Variants in ATRNL1 observed in about 807,000 individuals in gnomAD.
ATRNL1 encodes the protein attractin like 1.
A neutral mutation model predicts 182.7 loss-of-function variants in ATRNL1; 95 were observed. The ratio of observed to expected loss-of-function variants is 0.52; its 90% CI spans 0.44 to 0.62. ATRNL1 has a LOEUF of 0.62. Ranked by LOEUF, ATRNL1 falls within the 20% of genes least tolerant of loss-of-function variation. The probability of loss-of-function intolerance (pLI) is 0.00; values close to 1 mark genes in which losing one functional copy is unlikely to be tolerated. For synonymous variants in ATRNL1, 576 were observed against 568.3 expected, an observed-to-expected ratio of 1.01 and a Z score of -0.19; for missense variants, 1,471 against 1,679.5, an observed-to-expected ratio of 0.88 and a Z score of 2.17.
intron 27 of ATRNL1, among the ~76,000 whole-genome samples, chr10:115,771,335 A>G (rs10885809): frequency 0.23 from 34,151 of 149,944 alleles, 4,027 homozygotes; most frequent in South Asian, 0.29. Context: ...GGTTCACGCC[A>G]TTCTTCTGCC....
At chr10:115,885,976 C>T (rs1000592714) in intron 28 of ATRNL1, among the ~76,000 whole-genome samples, 2 of 152,098 alleles carry the variant, frequency 1.3e-5, no homozygotes, top group Admixed American at 6.6e-5. Context: ...TAAGTTATTA[C>T]CTTGTGACAA....
At chr10:115,424,546 A>G (rs1208814042) in intron 20 of ATRNL1, among the ~76,000 whole-genome samples, 3 of 152,216 alleles carry the variant, frequency 2.0e-5, no homozygotes, top group Admixed American at 6.5e-5. Context: ...CTGTATCAAG[A>G]GATGAATGGA....
intron 10 of ATRNL1, among the ~76,000 whole-genome samples, chr10:115,248,940 TTC>T (rs1850757528): frequency 6.6e-6 from 1 of 152,310 alleles, no homozygotes; most frequent in East Asian, 1.9e-4. Flanking sequence ...TATGTGTACT[TTC>T]TGTCTTATTT....
intron 26 of ATRNL1, among the ~76,000 whole-genome samples, chr10:115,560,534 A>G (rs1020953828): frequency 2.6e-5 from 4 of 152,176 alleles, no homozygotes; most frequent in African/African-American, 2.4e-5. Flanking sequence ...AAATAAATGG[A>G]AAGATACTAT....
At chr10:115,687,594 C>A (rs1001558913) in intron 26 of ATRNL1, among the ~76,000 whole-genome samples, 1 of 152,010 alleles carries the variant, frequency 6.6e-6, no homozygotes. Flanking sequence ...AATACAGATA[C>A]CTCTTTGAGA....
chr10:115,486,478 T>G (rs1019590426), intron 24 of ATRNL1, among the ~76,000 whole-genome samples: 3 of 152,140 alleles, frequency 2.0e-5, no homozygotes, highest in South Asian at 2.1e-4. Flanking sequence ...GGTTTTGATT[T>G]GCATTTCTCT....
intron 18 of ATRNL1, among the ~76,000 whole-genome samples, chr10:115,322,692 T>C (rs953938847): frequency 2.6e-5 from 4 of 152,142 alleles, no homozygotes; most frequent in African/African-American, 7.2e-5. Flanking sequence ...TTCTAGCATC[T>C]CATTCTCCTA....
chr10:115,336,876 C>T (rs911134052), intron 19 of ATRNL1, among the ~76,000 whole-genome samples: 11 of 150,636 alleles, frequency 7.3e-5, no homozygotes, highest in Admixed American at 2.6e-4. Flanking sequence ...GACAGAGTCT[C>T]GCTGTGTTGC....
At chr10:115,506,345 TAAAC>T (rs540276605) in intron 24 of ATRNL1, among the ~76,000 whole-genome samples, 227 of 151,660 alleles carry the variant, frequency 1.5e-3, no homozygotes, top group African/African-American at 4.7e-3. Flanking sequence ...CAAAAACAGT[TAAAC>T]AAACAAACGA....
At position 115,585,333 on chromosome 10, in the gene ATRNL1, A is replaced by G. The variant is rs1365926844; in HGVS notation, c.3795+35797A>G. The stretch of plus-strand genomic sequence containing the variant: ...GACTTTCTGTCTCGTTGATCTTTCT[A>G]ATATTGACAGTGGGGTGTTAAAGTC... On this transcript the variant is annotated intron_variant, in intron 26 of 28. Transcript: ENST00000355044. Among the ~76,000 whole-genome samples, 17 of 108,766 alleles carry G rather than the reference A, an allele frequency of 1.6e-4. No homozygotes were observed. In the Admixed American group the frequency reaches 1.6e-3, roughly 10 times the overall value. 71.4% of individuals were successfully genotyped at this position (108,766 alleles called of 152,430 possible). A position where few individuals can be genotyped will look rare whatever the true frequency, so the allele number is the denominator to read the frequency against.
intron 5 of ATRNL1, among the ~76,000 whole-genome samples, chr10:115,150,765 G>C (rs1321206843): frequency 6.6e-6 from 1 of 152,076 alleles, no homozygotes; most frequent in Non-Finnish European, 1.5e-5. Flanking sequence ...GGACACATGT[G>C]TACAACTTGC....
chr10:115,230,411 G>C (rs1002558971), intron 9 of ATRNL1, among the ~76,000 whole-genome samples: 4 of 152,130 alleles, frequency 2.6e-5, no homozygotes, highest in African/African-American at 7.2e-5. Context: ...GGTGTTCTAG[G>C]AGGAGGTCCA....
At chr10:115,219,231 CAAAAAA>C (rs78580406) in intron 9 of ATRNL1, among the ~76,000 whole-genome samples, 6 of 60,842 alleles carry the variant, frequency 9.9e-5, no homozygotes, top group Non-Finnish European at 1.7e-4. Flanking sequence ...GACTCCATCT[CAAAAAA>C]AAAAAAAAAA....
At chr10:115,528,490 A>G (rs1554987299) in intron 25 of ATRNL1, among the ~76,000 whole-genome samples, 1 of 151,736 alleles carries the variant, frequency 6.6e-6, no homozygotes, top group African/African-American at 2.4e-5. Context: ...TCATTTCTAA[A>G]TTTTGTAATT....
chr10:115,720,689 G>GTTTTTTCTGTT (rs1947395401), intron 26 of ATRNL1, among the ~76,000 whole-genome samples: 2 of 152,198 alleles, frequency 1.3e-5, no homozygotes, highest in South Asian at 4.1e-4. Context: ...ATACACCAAA[G>GTTTTTTCTGTT]TTTACAGAAA....
intron 9 of ATRNL1, among the ~76,000 whole-genome samples, chr10:115,230,911 G>GAGAGAGAGAGAGAGAGAGAGAGAA (rs1849911770): frequency 8.9e-6 from 1 of 112,028 alleles, no homozygotes. Context: ...GAGAGAGAGA[G>GAGAGAGAGAGAGAGAGAGAGAGAA]AGAGAGAGAG....
At chr10:115,814,694 A>G (rs1950122257) in intron 27 of ATRNL1, among the ~76,000 whole-genome samples, 1 of 152,158 alleles carries the variant, frequency 6.6e-6, no homozygotes. Context: ...AAAGAGGAAG[A>G]AGCAGCACTG....
At chr10:115,602,715 T>G (rs1241149652) in intron 26 of ATRNL1, among the ~76,000 whole-genome samples, 1 of 152,070 alleles carries the variant, frequency 6.6e-6, no homozygotes, top group Non-Finnish European at 1.5e-5. Context: ...TACAAAAAAT[T>G]AGCCGGGCGT....
chr10:115,840,218 T>C (rs976800581), intron 27 of ATRNL1, among the ~76,000 whole-genome samples: 2 of 152,066 alleles, frequency 1.3e-5, no homozygotes, highest in African/African-American at 4.8e-5. Flanking sequence ...AAGTTTGGCA[T>C]TGGGATTAGA....
Sources: gnomAD v4.1 joint callset for allele counts (sites outside exome capture counted in the v4.1 genomes callset) on GRCh38, gnomAD v4.1.1 for gene constraint, MANE v1.5 for transcripts, NCBI Gene and HGNC (gene_info 2026-07-23, HGNC 2026-07-21) for gene names.